Variants in OR1L8 observed in about 807,000 individuals in gnomAD.
OR1L8 encodes olfactory receptor 1L8.
For synonymous variants in OR1L8, 148 were observed against 147.0 expected (o/e 1.01, Z -0.05); for missense variants, 330 against 377.4 (o/e 0.87, Z 1.04).
chr9:122,579,679 G>A (rs1829714621), intron 1 of OR1L8, among the ~76,000 whole-genome samples: 1 of 152,140 alleles, frequency 6.6e-6, no homozygotes, highest in Admixed American at 6.5e-5. Context: ...ATAAGCATAA[G>A]GGGTATGGTG....
intron 1 of OR1L8, among the ~76,000 whole-genome samples, chr9:122,581,487 G>A (rs1829737832): frequency 1.3e-5 from 2 of 152,250 alleles, no homozygotes; most frequent in African/African-American, 4.8e-5. Context: ...AATCTTTGTA[G>A]GACTCCTGTT....
rs1443896825 is a variant in OR1L8 at position 122,575,736 on chromosome 9, TCA to T, written c.-342+1028_-342+1029del. Among the ~76,000 whole-genome samples the T allele has an allele frequency of 2.0e-5, 3 of 152,288 alleles. No individual in the cohort carries two copies. The East Asian group carries it at 5.8e-4, about 29-fold the overall frequency. On this transcript the variant is annotated intron_variant, in intron 3 of 4. Transcript: ENST00000641027. The stretch of plus-strand genomic sequence containing the variant: ...GAAGCAGATTAACATATCTATAATC[TCA>T]CAGTTACTTTTTTGTGATAACAGCA...
At chr9:122,559,305 T>G in the OR1L8 span, among the ~76,000 whole-genome samples, 1 of 151,782 alleles carries the variant, frequency 6.6e-6, no homozygotes, top group Non-Finnish European at 1.5e-5. Flanking sequence ...TATTTATTTT[T>G]ATTTTTTTTT....
the OR1L8 span, chr9:122,554,250 T>G: frequency 9.7e-7 from 1 of 1,034,604 alleles, no homozygotes; most frequent in Non-Finnish European, 1.4e-6. Flanking sequence ...CATGTTGATA[T>G]TAGGGGAAGG....
chr9:122,552,069 T>TCA, the OR1L8 span, among the ~76,000 whole-genome samples: 2 of 112,368 alleles, frequency 1.8e-5, no homozygotes, highest in Non-Finnish European at 4.2e-5. Context: ...TCTCTCTCTC[T>TCA]CTCTCTCTCT....
At chr9:122,547,688 C>T in the OR1L8 span, among the ~76,000 whole-genome samples, 1 of 150,624 alleles carries the variant, frequency 6.6e-6, no homozygotes, top group Non-Finnish European at 1.5e-5. Context: ...TTTATCCAGT[C>T]ATTCGTTGAT....
the OR1L8 span, among the ~76,000 whole-genome samples, chr9:122,560,102 T>C: frequency 6.6e-6 from 1 of 152,212 alleles, no homozygotes; most frequent in South Asian, 2.1e-4. Context: ...TTGTCTTTTT[T>C]TATTTTTGTT....
Position 122,568,367 on chromosome 9 carries a change from C to T in OR1L8, c.111G>A (p.Leu37=), listed in dbSNP as rs775284978. The T allele has an allele frequency of 6.8e-6, 11 of 1,613,902 alleles. No individual in the cohort carries two copies. The highest frequency in any genetic ancestry group is 7.6e-6 in the Non-Finnish European group (9 of 1,179,852). ...TLFVLFLIVY[L]VTITGNLLII... is the part of the protein sequence containing the mutation. Reference sequence around the variant, plus strand: ...TGAGCAGGTTCCCTGTTATGGTGACCAGGTACACGATGAGGAAGAGAACAA... The same window carrying T: ...TGAGCAGGTTCCCTGTTATGGTGACTAGGTACACGATGAGGAAGAGAACAA... Residue 37 remains leucine, a synonymous_variant, in exon 5 of 5, where the codon CTG becomes CTA. Coordinates refer to ENST00000641027, the MANE Select transcript of OR1L8 (RefSeq NM_001004454.2).
intron 1 of OR1L8, among the ~76,000 whole-genome samples, chr9:122,580,302 A>T (rs922340509): frequency 1.3e-5 from 2 of 151,642 alleles, no homozygotes; most frequent in Non-Finnish European, 2.9e-5. Context: ...CTCTAACTGT[A>T]AAGAATTCTA....
At chr9:122,565,163 T>C (rs1829408967), downstream of OR1L8, among the ~76,000 whole-genome samples, 1 of 152,180 alleles carries the variant, frequency 6.6e-6, no homozygotes. Context: ...GGTGCATCTA[T>C]TTGGATTTTA....
At chr9:122,553,796 C>T in the OR1L8 span, 1 of 1,614,004 alleles carries the variant, frequency 6.2e-7, no homozygotes, top group Admixed American at 1.7e-5. Flanking sequence ...GCTCAGATAC[C>T]CATGTAAACG....
intron 3 of OR1L8, among the ~76,000 whole-genome samples, chr9:122,575,951 T>C (rs534071535): frequency 9.8e-5 from 15 of 152,330 alleles, no homozygotes; most frequent in African/African-American, 3.6e-4. Flanking sequence ...CATATTTCTT[T>C]CTTTTTATTT....
chr9:122,547,620 A>AGTGTGTGTGTGTGT, the OR1L8 span, among the ~76,000 whole-genome samples: 16 of 142,900 alleles, frequency 1.1e-4, no homozygotes, highest in African/African-American at 2.1e-4. Context: ...GTAGTAGTTC[A>AGTGTGTGTGTGTGT]GTGTGTGTGT....
chr9:122,579,013 C>T (rs915162685), intron 1 of OR1L8, among the ~76,000 whole-genome samples: 1 of 151,406 alleles, frequency 6.6e-6, no homozygotes, highest in African/African-American at 2.4e-5. Context: ...CAAACACCAC[C>T]TGTTCCCCAA....
rs1417220401 is a variant in OR1L8 at position 122,572,905 on chromosome 9, T to C, written c.-338A>G. 6.6e-6 allele frequency: 1 copy of C among 152,250 alleles called. No individual in the cohort carries two copies. The highest frequency in any genetic ancestry group is 1.5e-5 in the Non-Finnish European group (1 of 68,036). The allele number at this position is 152,250 out of a possible 1,614,324, so 9.4% of individuals were successfully genotyped here. On this transcript the variant is annotated 5_prime_UTR_variant, in exon 4 of 5. Coordinates refer to ENST00000641027, the MANE Select transcript of OR1L8 (RefSeq NM_001004454.2). ...TCCTCATGTTTCTCCTCTGAACTTC[T>C]GGACTAATTAGCAAGGAGGGAAGAA... is the stretch of plus-strand genomic sequence containing the variant.
the OR1L8 span, among the ~76,000 whole-genome samples, chr9:122,552,057 ACTCTCTCT>A: frequency 7.6e-5 from 11 of 144,172 alleles, no homozygotes; most frequent in East Asian, 6.0e-4. Flanking sequence ...ACACACATAC[ACTCTCTCT>A]CTCTCTCTCT....
intron 3 of OR1L8, among the ~76,000 whole-genome samples, chr9:122,575,738 A>G (rs546827421): frequency 6.6e-6 from 1 of 152,322 alleles, no homozygotes; most frequent in South Asian, 2.1e-4. Context: ...CTATAATCTC[A>G]CAGTTACTTT....
At chr9:122,575,139 G>C (rs771823770) in intron 3 of OR1L8, among the ~76,000 whole-genome samples, 1 of 151,996 alleles carries the variant, frequency 6.6e-6, no homozygotes, top group Non-Finnish European at 1.5e-5. Flanking sequence ...GTTTATGAGA[G>C]ATACAGGTTT....
chr9:122,577,218 C>T (rs1312097402), intron 2 of OR1L8, among the ~76,000 whole-genome samples: 2 of 152,090 alleles, frequency 1.3e-5, no homozygotes, highest in African/African-American at 4.8e-5. Flanking sequence ...TCTATTCATA[C>T]ACTGGTGCCT....
Sources: allele counts gnomAD v4.1 joint callset (sites outside exome capture counted in the v4.1 genomes callset), GRCh38; gene constraint gnomAD v4.1.1; transcripts MANE v1.5; gene names NCBI Gene and HGNC (gene_info 2026-07-23, HGNC 2026-07-21).